The following NRXN3 variants were observed in gnomAD, a reference collection of about 807,000 sequenced individuals.
NRXN3 encodes neurexin 3.
A neutral mutation model predicts 137.6 loss-of-function variants in NRXN3; 32 were observed. That is an observed-to-expected ratio of 0.23 (90% CI 0.18 to 0.31). The LOEUF is 0.31. Among genes scored for constraint, NRXN3 ranks in the 10% least tolerant of loss-of-function variants. The pLI, the probability that NRXN3 is intolerant of heterozygous loss-of-function variation, is 1.00. For missense variants in NRXN3, 1,574 were observed against 2,062.5 expected, an observed-to-expected ratio of 0.76 and a Z score of 4.59; for synonymous variants, 798 against 784.5, an observed-to-expected ratio of 1.02 and a Z score of -0.29.
At chr14:79,088,575 T>A (rs931097665) in intron 15 of NRXN3, among the ~76,000 whole-genome samples, 1 of 152,118 alleles carries the variant, frequency 6.6e-6, no homozygotes, top group African/African-American at 2.4e-5. Context: ...TCCCTATGAC[T>A]TGGGCTTAAG....
chr14:78,202,404 GA>G (rs796934310), intron 1 of NRXN3, among the ~76,000 whole-genome samples: 21 of 152,340 alleles, frequency 1.4e-4, no homozygotes, highest in African/African-American at 4.8e-4. Flanking sequence ...GAGATGTCAA[GA>G]GTAAAATGGT....
At chr14:78,420,540 T>C (rs2093398816) in intron 4 of NRXN3, among the ~76,000 whole-genome samples, 1 of 152,232 alleles carries the variant, frequency 6.6e-6, no homozygotes, top group African/African-American at 2.4e-5. Flanking sequence ...CTTTCAGTGC[T>C]ATCATTTGTT....
In NRXN3 at chr14:79,190,844, G is replaced by C. The variant is rs137912736; in HGVS notation, c.3262+202703G>C. 2.7e-3 allele frequency among the ~76,000 whole-genome samples: 412 copies of C among 152,154 alleles called. 2 individuals carry two copies. Among genetic ancestry groups the C allele is most frequent in the African/African-American group, 9.3e-3 (387 of 41,522 alleles). ...AACTGTTAAGAAGGAGAACATATAG[G>C]CATTATGAAAGAAACTATGTTGTAG... On this transcript the variant is annotated intron_variant, in intron 15 of 20. Coordinates refer to ENST00000335750, the MANE Select transcript of NRXN3 (RefSeq NM_001330195.2).
chr14:79,693,510 C>A (rs1425242922), intron 18 of NRXN3, among the ~76,000 whole-genome samples: 2 of 151,806 alleles, frequency 1.3e-5, no homozygotes, highest in South Asian at 2.1e-4. Context: ...ACAATGATTG[C>A]CTCACTTTAA....
chr14:78,376,015 CACACAT>C lies in NRXN3; in HGVS notation c.757+78161_757+78166del, dbSNP rs1266846134. Among the ~76,000 whole-genome samples, 340 of 149,166 alleles carry C rather than the reference CACACAT, an allele frequency of 2.3e-3. 2 individuals carry two copies. The highest frequency in any genetic ancestry group is 5.6e-3 in the African/African-American group (227 of 40,472). ...TCTTCCTCCTTGATACACACACACA[CACACAT>C]ACACACACACACACACTCATTCTCC... is the stretch of plus-strand genomic sequence containing the variant. On this transcript the variant is annotated intron_variant, in intron 4 of 20. Coordinates refer to ENST00000335750, the MANE Select transcript of NRXN3 (RefSeq NM_001330195.2).
chr14:79,771,106 G>C (rs976335668), intron 19 of NRXN3, among the ~76,000 whole-genome samples: 6 of 152,196 alleles, frequency 3.9e-5, no homozygotes, highest in South Asian at 2.1e-4. Flanking sequence ...AGACGAATAA[G>C]AGGAGCTGAA....
intron 19 of NRXN3, among the ~76,000 whole-genome samples, chr14:79,782,330 C>T (rs753035263): frequency 6.6e-6 from 1 of 152,142 alleles, no homozygotes; most frequent in Non-Finnish European, 1.5e-5. Flanking sequence ...TAGATGCAAA[C>T]CAAGAGAGGT....
At chr14:79,134,792 A>G (rs966294324) in intron 15 of NRXN3, among the ~76,000 whole-genome samples, 19 of 152,206 alleles carry the variant, frequency 1.2e-4, no homozygotes, top group Non-Finnish European at 5.9e-5. Flanking sequence ...CAAGTTGTCC[A>G]TTAGCAGAAC....
intron 18 of NRXN3, among the ~76,000 whole-genome samples, chr14:79,696,590 TG>T (rs887139203): frequency 1.3e-5 from 2 of 151,926 alleles, no homozygotes; most frequent in Non-Finnish European, 2.9e-5. Context: ...TGAGTTTGCT[TG>T]GGAAAAAAAT....
chr14:78,291,692 G>A (rs1173287617), intron 3 of NRXN3, among the ~76,000 whole-genome samples: 1 of 152,054 alleles, frequency 6.6e-6, no homozygotes, highest in Admixed American at 6.6e-5. Flanking sequence ...ATGACCTTCT[G>A]ATTTTGCGTA....
chr14:79,665,689 T>C (rs775177880), intron 17 of NRXN3, among the ~76,000 whole-genome samples: 6 of 152,136 alleles, frequency 3.9e-5, no homozygotes, highest in Non-Finnish European at 7.4e-5. Context: ...TGAGCCAATA[T>C]AGAATCTACA....
intron 15 of NRXN3, among the ~76,000 whole-genome samples, chr14:79,122,645 A>G (rs1028242961): frequency 6.6e-6 from 1 of 152,256 alleles, no homozygotes; most frequent in Non-Finnish European, 1.5e-5. Context: ...TTAACTTGGA[A>G]TATGTAGTGA....
intron 4 of NRXN3, among the ~76,000 whole-genome samples, chr14:78,640,223 C>A (rs557220123): frequency 1.3e-5 from 2 of 152,302 alleles, no homozygotes; most frequent in South Asian, 4.2e-4. Context: ...TATCCAGGAA[C>A]TATATCAACA....
At chr14:78,467,470 G>A (rs140000734) in intron 4 of NRXN3, among the ~76,000 whole-genome samples, 59 of 152,256 alleles carry the variant, frequency 3.9e-4, no homozygotes, top group Non-Finnish European at 6.9e-4. Flanking sequence ...CTTTGTGGAC[G>A]ATGTGAATAT....
At chr14:79,350,710 T>TTA (rs1339975317) in intron 15 of NRXN3, among the ~76,000 whole-genome samples, 1 of 151,986 alleles carries the variant, frequency 6.6e-6, no homozygotes, top group African/African-American at 2.4e-5. Context: ...AGGAGTAAGG[T>TTA]ATTAGAGTTT....
chr14:78,872,799 G>A (rs765887904), intron 10 of NRXN3, among the ~76,000 whole-genome samples: 1 of 151,940 alleles, frequency 6.6e-6, no homozygotes, highest in Non-Finnish European at 1.5e-5. Context: ...TAGGTGGATA[G>A]CATCTTCATA....
rs368569682 is a variant in NRXN3 at position 78,442,181 on chromosome 14, C to T, written c.757+144321C>T. 6.8e-4 allele frequency among the ~76,000 whole-genome samples: 102 copies of T among 150,810 alleles called. No homozygotes were observed. In the South Asian group the frequency reaches 7.8e-3, roughly 12 times the overall value. The stretch of plus-strand genomic sequence containing the variant: ...CTTTGGGAGGCTGGGACAGGAGAAT[C>T]GCTTAAACCTGGGAGGCAGACGTCA... On this transcript the variant is annotated intron_variant, in intron 4 of 20. Coordinates refer to ENST00000335750, the MANE Select transcript of NRXN3 (RefSeq NM_001330195.2).
At chr14:78,917,698 G>C (rs1442805313) in intron 10 of NRXN3, among the ~76,000 whole-genome samples, 1 of 152,050 alleles carries the variant, frequency 6.6e-6, no homozygotes, top group Non-Finnish European at 1.5e-5. Flanking sequence ...AGGAATGACT[G>C]TCCTTTGTGC....
rs74064324 is a variant in NRXN3 at position 78,618,375 on chromosome 14, G to C, written c.758-26745G>C. ...AAGCTCTCTCTTCTCTAGATCTTTA[G>C]TGGGAAGAGTTTTGCCACTTGACAC... is the stretch of plus-strand genomic sequence containing the variant. On this transcript the variant is annotated intron_variant, in intron 4 of 20. Transcript: ENST00000335750. 2.4e-3 allele frequency among the ~76,000 whole-genome samples: 371 copies of C among 151,966 alleles called. 2 individuals are homozygous for C. Among genetic ancestry groups the C allele is most frequent in the African/African-American group, 8.6e-3 (356 of 41,434 alleles).
Sources: gnomAD v4.1 joint callset for allele counts (sites outside exome capture counted in the v4.1 genomes callset) on GRCh38, gnomAD v4.1.1 for gene constraint, MANE v1.5 for transcripts, NCBI Gene and HGNC (gene_info 2026-07-23, HGNC 2026-07-21) for gene names.